FAM53C: variants seen among roughly 807,000 people sequenced by gnomAD.
The protein encoded by FAM53C is family with sequence similarity 53 member C.
FAM53C carries 10 observed loss-of-function variants against 34.7 expected under a neutral mutation model. That is an observed-to-expected ratio of 0.29 (90% CI 0.18 to 0.49). The LOEUF is 0.49. Among genes scored for constraint, FAM53C ranks in the 20% least tolerant of loss-of-function variants. The pLI is 0.99. For missense variants in FAM53C, 442 were observed against 515.3 expected (o/e 0.86, Z 1.38); for synonymous variants, 203 against 203.6 (o/e 1.00, Z 0.03).
At chr5:138,338,703 A>G (rs1386402368) in intron 1 of FAM53C, among the ~76,000 whole-genome samples, 2 of 143,024 alleles carry the variant, frequency 1.4e-5, no homozygotes, top group Non-Finnish European at 3.0e-5. Flanking sequence ...TTGCTTCTTC[A>G]TGGGGGTGGG....
In FAM53C at chr5:138,346,859, A is replaced by AGGAGGG; in HGVS notation, c.1082_1087dup (p.Glu361_Gly362dup). On this transcript the variant is annotated inframe_insertion, in exon 5 of 5. Coordinates refer to ENST00000239906, the MANE Select transcript of FAM53C (RefSeq NM_016605.3). ...GTGCTGAGTGAAAGCGAAGAGGAGG[A>AGGAGGG]GGAGGGGGCTGTGCGGTGGGGTCGG... The AGGAGGG allele has an allele frequency of 6.2e-7, 1 of 1,614,038 alleles. No homozygotes were observed. Among genetic ancestry groups the AGGAGGG allele is most frequent in the Non-Finnish European group, 8.5e-7 (1 of 1,180,010 alleles).
chr5:138,346,233 G>A lies in FAM53C; in HGVS notation c.922-469G>A, dbSNP rs1761170625. Among the ~76,000 whole-genome samples the A allele has an allele frequency of 2.0e-5, 3 of 152,170 alleles. No individual in the cohort carries two copies. The South Asian group carries it at 6.2e-4, about 31-fold the overall frequency. ...CATTTACTGACTCTGACTAGGCACT[G>A]GCAGTACAAAGTAATGAAACACTGC... On this transcript the variant is annotated intron_variant, in intron 4 of 4. Transcript: ENST00000239906.
upstream of FAM53C, chr5:138,337,955 C>A: frequency 7.8e-7 from 1 of 1,289,340 alleles, no homozygotes. Context: ...CCTTTGTTTA[C>A]CTTCTTCCGA....
At chr5:138,340,210 T>A (rs1242919341) in intron 1 of FAM53C, among the ~76,000 whole-genome samples, 1 of 152,224 alleles carries the variant, frequency 6.6e-6, no homozygotes, top group African/African-American at 2.4e-5. Context: ...TACATATGGG[T>A]AAACTGAGGC....
rs186348210 is a variant in FAM53C at position 138,347,101 on chromosome 5, G to T, written c.*142G>T. 1.7e-6 allele frequency: 2 copies of T among 1,147,456 alleles called. No homozygotes were observed. The highest frequency in any genetic ancestry group is 1.5e-5 in the African/African-American group (1 of 65,278). 71.1% of individuals were successfully genotyped at this position (1,147,456 alleles called of 1,614,324 possible). ...ACTCAGGGCAGCTGGAAATCTTCTC[G>T]CTCCAGCAAGCTCGACCATGCCAAG... On this transcript the variant is annotated 3_prime_UTR_variant, in exon 5 of 5. Transcript: ENST00000239906.
upstream of FAM53C, chr5:138,338,045 C>G (rs777468451): frequency 7.8e-7 from 1 of 1,289,600 alleles, no homozygotes; most frequent in Non-Finnish European, 1.0e-6. Flanking sequence ...GGGGGTGACT[C>G]GTTAGTGAGG....
Position 138,347,114 on chromosome 5 carries a change from C to G in FAM53C, c.*155C>G, listed in dbSNP as rs61662402. The G allele has an allele frequency of 4.7e-6, 5 of 1,062,964 alleles. No individual in the cohort carries two copies. Among genetic ancestry groups the G allele is most frequent in the Non-Finnish European group, 6.8e-6 (5 of 735,994 alleles). The allele number at this position is 1,062,964 out of a possible 1,614,324, so 65.8% of individuals were successfully genotyped here. On this transcript the variant is annotated 3_prime_UTR_variant, in exon 5 of 5. Coordinates refer to ENST00000239906, the MANE Select transcript of FAM53C (RefSeq NM_016605.3). ...GGAAATCTTCTCGCTCCAGCAAGCT[C>G]GACCATGCCAAGAGACTGGCCGGGA... is the stretch of plus-strand genomic sequence containing the variant.
rs753087803 is a variant in FAM53C at position 138,341,916 on chromosome 5, C to T, written c.136+50C>T. 2.5e-6 allele frequency: 4 copies of T among 1,571,504 alleles called. No homozygotes were observed. In the Admixed American group the frequency reaches 6.7e-5, roughly 26 times the overall value. On this transcript the variant is annotated intron_variant, in intron 3 of 4. Coordinates refer to ENST00000239906, the MANE Select transcript of FAM53C (RefSeq NM_016605.3). ...ACGTGTGTGTACCCATTCCTCTCTC[C>T]ACACATTTCTATCATTGGTTTCCAG...
upstream of FAM53C, chr5:138,338,077 C>T (rs1760841435): frequency 7.8e-7 from 1 of 1,289,686 alleles, no homozygotes; most frequent in African/African-American, 1.5e-5. Flanking sequence ...ATCCCTAAAT[C>T]AAAGCGCCAG....
At position 138,345,037 on chromosome 5, in the gene FAM53C, C is replaced by T. The variant is rs1487283188; in HGVS notation, c.349C>T (p.His117Tyr). The T allele has an allele frequency of 6.2e-7, 1 of 1,613,816 alleles. No homozygotes were observed. The highest frequency in any genetic ancestry group is 1.3e-5 in the African/African-American group (1 of 74,920). Reference protein sequence around the residue: ...PVPPAPPSKRHCRSLSVPVDL... With the variant: ...PVPPAPPSKRYCRSLSVPVDL... ...GCCCCCTGCCCCTCCATCCAAGAGG[C>T]ACTGCCGCTCACTCTCAGTGCCCGT... Residue 117 changes from histidine to tyrosine, a missense_variant, in exon 4 of 5, where the codon CAC becomes TAC. His to Tyr is a moderately conservative substitution (Grantham distance 83, BLOSUM62 2). Transcript: ENST00000239906. This position sits in a 1 kb window ranked among gnomAD's most constrained non-coding sequence, Gnocchi z 6.3.
Position 138,344,976 on chromosome 5 carries a change from A to C in FAM53C, c.288A>C (p.Leu96=), listed in dbSNP as rs761987598. ...SPKEQPFSQV[L]RPEPPDPEKL... ...AGGAGCAGCCCTTCTCCCAAGTCCTAAGACCTGAGCCCCCAGATCCAGAGA... is the reference window on the plus strand; with the variant it reads ...AGGAGCAGCCCTTCTCCCAAGTCCTCAGACCTGAGCCCCCAGATCCAGAGA... The change falls in exon 4 of 5, where the codon CTA becomes CTC. Residue 96 remains leucine (L), a synonymous_variant. Transcript: ENST00000239906. 2 of 1,613,914 alleles carry C rather than the reference A, an allele frequency of 1.2e-6. No individual in the cohort carries two copies. The highest frequency in any genetic ancestry group is 1.7e-6 in the Non-Finnish European group (2 of 1,179,934).
In FAM53C at chr5:138,345,160, G is replaced by A; in HGVS notation, c.472G>A (p.Val158Met). 6.2e-7 allele frequency: 1 copy of A among 1,614,198 alleles called. No homozygotes were observed. Among genetic ancestry groups the A allele is most frequent in the South Asian group, 1.1e-5 (1 of 91,092 alleles). ...CAGTGGTGGAGGGGGTGGGCCGCAG[G>A]TGCCTCACCAGAGCCCCCCAAAGCG... is the stretch of plus-strand genomic sequence containing the variant. ...RGSGGGGGPQ[V>M]PHQSPPKRVS... The change falls in exon 4 of 5, where the codon GTG becomes ATG. Residue 158 changes from valine (V) to methionine (M), a missense_variant. Val to Met is a conservative substitution (Grantham distance 21, BLOSUM62 1). Coordinates refer to ENST00000239906, the MANE Select transcript of FAM53C (RefSeq NM_016605.3). This position sits in a 1 kb window ranked among gnomAD's most constrained non-coding sequence, Gnocchi z 6.3.
chr5:138,348,087 C>G lies in FAM53C; in HGVS notation c.*1128C>G, dbSNP rs1455389055. 1 of 152,690 alleles carries G rather than the reference C, an allele frequency of 6.5e-6. No homozygotes were observed. Among genetic ancestry groups the G allele is most frequent in the East Asian group, 1.9e-4 (1 of 5,194 alleles). 9.5% of individuals were successfully genotyped at this position (152,690 alleles called of 1,614,324 possible). ...AAGATCCAGGCCCAGCCTTTTTGAC[C>G]TGCTTGAGAGGGAAGAAGGGGTGTT... is the stretch of plus-strand genomic sequence containing the variant. On this transcript the variant is annotated 3_prime_UTR_variant, in exon 5 of 5. Coordinates refer to ENST00000239906, the MANE Select transcript of FAM53C (RefSeq NM_016605.3).
intron 3 of FAM53C, chr5:138,342,068 G>A (rs1761047995): frequency 3.8e-6 from 2 of 528,042 alleles, no homozygotes; most frequent in Non-Finnish European, 6.9e-6. Flanking sequence ...AGCTTTGTGG[G>A]GACTTGTATA....
At chr5:138,342,035 T>C (rs1275874898) in intron 3 of FAM53C, 169 bp downstream of exon 3, 6 of 620,386 alleles carry the variant, frequency 9.7e-6, no homozygotes, top group Admixed American at 5.5e-5. Flanking sequence ...ATGAAAGTTA[T>C]CTGGTTGGTT....
In FAM53C at chr5:138,338,271, T is replaced by A; in HGVS notation, c.-189T>A. ...GTGGGGCGAACCGAGCGCTCAGAGC[T>A]GCTCCGGCCGCGGCCCTGGGAGCTG... On this transcript the variant is annotated 5_prime_UTR_variant, in exon 1 of 5. Coordinates refer to ENST00000239906, the MANE Select transcript of FAM53C (RefSeq NM_016605.3). 1.5e-5 allele frequency: 14 copies of A among 962,146 alleles called. No homozygotes were observed. Among genetic ancestry groups the A allele is most frequent in the Non-Finnish European group, 2.0e-5 (14 of 690,466 alleles). 59.6% of individuals were successfully genotyped at this position (962,146 alleles called of 1,614,324 possible).
At chr5:138,342,074 G>C in intron 3 of FAM53C, 2 of 521,734 alleles carry the variant, frequency 3.8e-6, no homozygotes, top group Non-Finnish European at 6.9e-6. Flanking sequence ...GTGGGGACTT[G>C]TATAATCTAA....
intron 1 of FAM53C, among the ~76,000 whole-genome samples, chr5:138,340,413 G>A (rs1580853008): frequency 6.6e-6 from 1 of 152,156 alleles, no homozygotes; most frequent in African/African-American, 2.4e-5. Context: ...CTTGAGCAAG[G>A]CCCCTCAGGT....
Position 138,345,553 on chromosome 5 carries a change from C to T in FAM53C, c.865C>T (p.His289Tyr), listed in dbSNP as rs748273757. 1 of 1,613,984 alleles carries T rather than the reference C, an allele frequency of 6.2e-7. No individual in the cohort carries two copies. The highest frequency in any genetic ancestry group is 8.5e-7 in the Non-Finnish European group (1 of 1,180,048). ...CCGCAAAACTGGGGTCAAGCGGCGC[C>T]ACGAGGAAGACCCCCGGCGTCTGCG... ...DARKTGVKRR[H>Y]EEDPRRLRPS... The change falls in exon 4 of 5, where the codon CAC becomes TAC. Residue 289 changes from histidine (H) to tyrosine (Y), a missense_variant. By Grantham distance (83) the His-to-Tyr change is moderately conservative (BLOSUM62 2). Transcript: ENST00000239906. The surrounding 1 kb of genome is among the most constrained non-coding windows in gnomAD (Gnocchi z 6.3).
Sources: gnomAD v4.1 joint callset for allele counts (sites outside exome capture counted in the v4.1 genomes callset) on GRCh38, gnomAD v4.1.1 for gene constraint, Gnocchi (gnomAD v3.1) non-coding constraint, MANE v1.5 for transcripts, NCBI Gene and HGNC (gene_info 2026-07-23, HGNC 2026-07-21) for gene names.